The following DENND5A variants were observed in gnomAD, a reference collection of about 807,000 sequenced individuals.
DENND5A encodes the protein DENN domain-containing protein 5A.
In DENND5A, 64 loss-of-function variants were observed where a neutral mutation model predicts 140.3. The ratio of observed to expected loss-of-function variants is 0.46; its 90% CI spans 0.37 to 0.56. The LOEUF is 0.56. DENND5A is among the 20% of genes least tolerant of loss of function. The pLI, the probability that DENND5A is intolerant of heterozygous loss-of-function variation, is 0.00. For synonymous variants in DENND5A, 605 were observed against 607.7 expected (o/e 1.00, Z 0.07); for missense variants, 1,292 against 1,593.8 (o/e 0.81, Z 3.22).
In DENND5A at chr11:9,250,564, T is replaced by C. The variant is rs1003696423; in HGVS notation, c.109+14397A>G. ...AAAAACAAACAAACCTCAGTAATAG[T>C]AAGACAGCAAACAGAAGACCTGGAT... On this transcript the variant is annotated intron_variant, in intron 1 of 22. Coordinates refer to ENST00000328194, the MANE Select transcript of DENND5A (RefSeq NM_015213.4). Among the ~76,000 whole-genome samples, 3 of 152,252 alleles carry C rather than the reference T, an allele frequency of 2.0e-5. No individual in the cohort carries two copies. The South Asian group carries it at 6.2e-4, about 32-fold the overall frequency.
At position 9,139,936 on chromosome 11, in the gene DENND5A, A is replaced by G. The variant is rs917523077; in HGVS notation, c.3681-82T>C. 9 of 1,373,134 alleles carry G rather than the reference A, an allele frequency of 6.6e-6. No homozygotes were observed. In the African/African-American group the frequency reaches 1.0e-4, roughly 15 times the overall value. 85.1% of individuals were successfully genotyped at this position (1,373,134 alleles called of 1,614,324 possible). ...AGCGTTAGTGCAAGGCCAAGGGGGA[A>G]ACCATGAACTAAGTCTGAAGCTGGA... On this transcript the variant is annotated intron_variant, in intron 22 of 22. Transcript: ENST00000328194.
At chr11:9,170,044 T>C in intron 9 of DENND5A, 95 bp from the exon 10 acceptor site, 3 of 970,448 alleles carry the variant, frequency 3.1e-6, no homozygotes, top group Non-Finnish European at 4.9e-6. Flanking sequence ...TACGAGTCAA[T>C]GCTGGACACA....
intron 10 of DENND5A, among the ~76,000 whole-genome samples, chr11:9,166,275 C>A (rs1332205845): frequency 6.6e-6 from 1 of 151,830 alleles, no homozygotes; most frequent in African/African-American, 2.4e-5. Context: ...GACGGGGTTT[C>A]ACCATGTTAG....
At chr11:9,223,660 G>A (rs994953390) in intron 1 of DENND5A, among the ~76,000 whole-genome samples, 1 of 151,832 alleles carries the variant, frequency 6.6e-6, no homozygotes, top group Non-Finnish European at 1.5e-5. Context: ...CTGAGGCTAC[G>A]GTGAGCTATG....
chr11:9,225,450 G>T lies in DENND5A; in HGVS notation c.110-17818C>A, dbSNP rs116918496. Among the ~76,000 whole-genome samples, 1,363 of 152,296 alleles carry T rather than the reference G, an allele frequency of 8.9e-3. 7 individuals are homozygous for T. The highest frequency in any genetic ancestry group is 0.041 in the Middle Eastern group (12 of 294). On this transcript the variant is annotated intron_variant, in intron 1 of 22. Coordinates refer to ENST00000328194, the MANE Select transcript of DENND5A (RefSeq NM_015213.4). ...TAACCTAACATATTCTTAGTGGGCAGATGTTGGCTCTTAATAATAATAGTT... is the reference window on the plus strand; with the variant it reads ...TAACCTAACATATTCTTAGTGGGCATATGTTGGCTCTTAATAATAATAGTT...
At position 9,258,313 on chromosome 11, in the gene DENND5A, T is replaced by C. The variant is rs532496266; in HGVS notation, c.109+6648A>G. ...CCCAACAGGCCCCAGTGTGTGATGT[T>C]CCCCTCCCTACATCCATGTGTTCTC... On this transcript the variant is annotated intron_variant, in intron 1 of 22. Coordinates refer to ENST00000328194, the MANE Select transcript of DENND5A (RefSeq NM_015213.4). Among the ~76,000 whole-genome samples, 29 of 149,166 alleles carry C rather than the reference T, an allele frequency of 1.9e-4. No individual in the cohort carries two copies. In the East Asian group the frequency reaches 5.8e-3, roughly 30 times the overall value.
intron 1 of DENND5A, among the ~76,000 whole-genome samples, chr11:9,209,005 C>T (rs1849782902): frequency 1.3e-5 from 2 of 152,228 alleles, no homozygotes; most frequent in South Asian, 4.1e-4. Flanking sequence ...CGTCTACAGT[C>T]TGAAATTCTT....
intron 10 of DENND5A, among the ~76,000 whole-genome samples, chr11:9,166,291 A>T (rs1218648768): frequency 2.6e-5 from 4 of 151,774 alleles, no homozygotes; most frequent in African/African-American, 9.7e-5. Flanking sequence ...GTTAGCCAGG[A>T]TGGTCTTTAT....
At chr11:9,229,299 G>A (rs1850663500) in intron 1 of DENND5A, among the ~76,000 whole-genome samples, 1 of 151,876 alleles carries the variant, frequency 6.6e-6, no homozygotes, top group African/African-American at 2.4e-5. Context: ...ACAAATGTGG[G>A]GAAAAAACCA....
At chr11:9,220,955 G>A (rs1282627078) in intron 1 of DENND5A, among the ~76,000 whole-genome samples, 5 of 151,270 alleles carry the variant, frequency 3.3e-5, no homozygotes, top group African/African-American at 1.2e-4. Flanking sequence ...AGTGGCGGGT[G>A]CCTGTAGACT....
Position 9,150,228 on chromosome 11 carries a change from A to C in DENND5A, c.2607-19T>G, listed in dbSNP as rs7123970. 6.2e-7 allele frequency: 1 copy of C among 1,611,668 alleles called. No homozygotes were observed. Among genetic ancestry groups the C allele is most frequent in the Non-Finnish European group, 8.5e-7 (1 of 1,178,686 alleles). On this transcript the variant is annotated intron_variant, in intron 14 of 22. Coordinates refer to ENST00000328194, the MANE Select transcript of DENND5A (RefSeq NM_015213.4). Reference sequence around the variant, plus strand: ...GATGTGCCTGGAGGAAGAATGTAAAAAGGAAGTGGAGGGTGGGATGGGAGA... The same window carrying C: ...GATGTGCCTGGAGGAAGAATGTAAACAGGAAGTGGAGGGTGGGATGGGAGA...
At chr11:9,165,251 C>T (rs1848149057) in intron 11 of DENND5A, among the ~76,000 whole-genome samples, 1 of 152,184 alleles carries the variant, frequency 6.6e-6, no homozygotes, top group South Asian at 2.1e-4. Flanking sequence ...CTGCCTGCCT[C>T]AGCCTCCCAA....
At chr11:9,183,018 A>ATATACC (rs1182750195) in intron 5 of DENND5A, among the ~76,000 whole-genome samples, 1 of 152,256 alleles carries the variant, frequency 6.6e-6, no homozygotes, top group Non-Finnish European at 1.5e-5. Flanking sequence ...ATGTACTGAA[A>ATATACC]TATACCATAC....
At chr11:9,209,589 CT>C (rs1207851239) in intron 1 of DENND5A, among the ~76,000 whole-genome samples, 1 of 152,122 alleles carries the variant, frequency 6.6e-6, no homozygotes, top group Non-Finnish European at 1.5e-5. Context: ...GACAAATGTC[CT>C]TCTGTGAATT....
At chr11:9,164,536 T>C (rs966307207) in intron 11 of DENND5A, among the ~76,000 whole-genome samples, 1 of 152,082 alleles carries the variant, frequency 6.6e-6, no homozygotes. Flanking sequence ...CCTAAAATTA[T>C]GGTATGCTGC....
intron 14 of DENND5A, 63 bp downstream of exon 14, chr11:9,150,617 G>T: frequency 8.5e-7 from 1 of 1,171,720 alleles, no homozygotes. Flanking sequence ...ACTAAAAGTG[G>T]ACACCTAAGC....
At position 9,181,358 on chromosome 11, in the gene DENND5A, T is replaced by C. The variant is rs139719847; in HGVS notation, c.1138-274A>G. 4.2e-3 allele frequency among the ~76,000 whole-genome samples: 641 copies of C among 152,290 alleles called. 6 individuals are homozygous for C. Among genetic ancestry groups the C allele is most frequent in the African/African-American group, 0.015 (606 of 41,562 alleles). On this transcript the variant is annotated intron_variant, in intron 5 of 22. Coordinates refer to ENST00000328194, the MANE Select transcript of DENND5A (RefSeq NM_015213.4). ...TGGAGATAAAGAGATAAACAATGTATGTTAGAGTGGTGAAGATTTTATAAT... is the reference window on the plus strand; with the variant it reads ...TGGAGATAAAGAGATAAACAATGTACGTTAGAGTGGTGAAGATTTTATAAT...
At chr11:9,233,191 G>C (rs1455383504) in intron 1 of DENND5A, among the ~76,000 whole-genome samples, 3 of 152,094 alleles carry the variant, frequency 2.0e-5, no homozygotes, top group African/African-American at 7.2e-5. Context: ...ACGAGGTCAG[G>C]AGTTCGAGAC....
chr11:9,186,830 C>T (rs1377233276), intron 5 of DENND5A, among the ~76,000 whole-genome samples: 8 of 152,204 alleles, frequency 5.3e-5, no homozygotes. Flanking sequence ...CCTGTAATCC[C>T]AGCACTTTGG....
Sources: allele counts gnomAD v4.1 joint callset (sites outside exome capture counted in the v4.1 genomes callset), GRCh38; gene constraint gnomAD v4.1.1; transcripts MANE v1.5; gene names NCBI Gene and HGNC (gene_info 2026-07-23, HGNC 2026-07-21).